Variants in TRAF2 observed in about 807,000 individuals in gnomAD.
TRAF2 encodes TNF receptor associated factor 2, also known as TNF receptor-associated factor 2.
A neutral mutation model predicts 55.6 loss-of-function variants in TRAF2; 6 were observed. The ratio of observed to expected loss-of-function variants is 0.11; its 90% CI spans 0.06 to 0.21. The LOEUF is 0.21. Among genes scored for constraint, TRAF2 ranks in the 10% least tolerant of loss-of-function variants. The probability of loss-of-function intolerance (pLI) is 1.00; values close to 1 mark genes in which losing one functional copy is unlikely to be tolerated. For missense variants in TRAF2, 561 were observed against 684.5 expected, an observed-to-expected ratio of 0.82 and a Z score of 2.01; for synonymous variants, 329 against 276.3, an observed-to-expected ratio of 1.19 and a Z score of -1.89.
chr9:136,898,680 T>G, intron 1 of TRAF2, 33 bp from the exon 2 acceptor site: 1 of 1,607,220 alleles, frequency 6.2e-7, no homozygotes, highest in Non-Finnish European at 8.5e-7. Context: ...TGTTCTGGAA[T>G]TGAGGTGTAA....
At chr9:136,919,042 A>ATATTTATTTATTTATTTATT (rs57654341) in intron 7 of TRAF2, among the ~76,000 whole-genome samples, 13,825 of 138,224 alleles carry the variant, frequency 0.1, 853 homozygotes, top group African/African-American at 0.12. Context: ...GCCTATTTTA[A>ATATTTATTTATTTATTTATT]TATTTATTTA....
At chr9:136,900,387 A>G in intron 3 of TRAF2, 35 bp from the exon 4 acceptor site, 1 of 1,483,924 alleles carries the variant, frequency 6.7e-7, no homozygotes. Context: ...GGAGTCTGGG[A>G]GGAGGTTTAA....
In TRAF2 at chr9:136,898,772, C is replaced by A. The variant is rs767818414; in HGVS notation, c.32C>A (p.Ser11Tyr). MAAASVTPPG[S>Y]LELLQPGFSK... ...GCAGCTAGCGTGACCCCCCCTGGCT[C>A]CCTGGAGTTGCTACAGCCCGGCTTC... The change falls in exon 2 of 11, where the codon TCC (serine) becomes TAC (tyrosine). Residue 11 changes from serine to tyrosine, a missense_variant. Coordinates refer to ENST00000247668, the MANE Select transcript of TRAF2 (RefSeq NM_021138.4). 13 of 1,613,626 alleles carry A rather than the reference C, an allele frequency of 8.1e-6. No homozygotes were observed. Among genetic ancestry groups the A allele is most frequent in the Middle Eastern group, 1.6e-4 (1 of 6,084 alleles).
At chr9:136,899,070 G>T in intron 2 of TRAF2, 142 bp downstream of exon 2, 1 of 816,690 alleles carries the variant, frequency 1.2e-6, no homozygotes, top group South Asian at 1.9e-5. Context: ...GATTTCGGAG[G>T]TTTACCACAA....
At chr9:136,920,948 C>T in intron 8 of TRAF2, 90 bp from the exon 9 acceptor site, 3 of 1,510,884 alleles carry the variant, frequency 2.0e-6, no homozygotes, top group Non-Finnish European at 2.7e-6. Flanking sequence ...CCCAAGAGCA[C>T]TGTCCTGCTG....
intron 1 of TRAF2, among the ~76,000 whole-genome samples, chr9:136,892,201 C>A (rs200912694): frequency 6.6e-6 from 1 of 151,940 alleles, no homozygotes; most frequent in African/African-American, 2.4e-5. Context: ...CGGTGGCTCA[C>A]GCCTGTAATC....
At chr9:136,906,574 G>A (rs1173472794) in intron 4 of TRAF2, among the ~76,000 whole-genome samples, 1 of 152,160 alleles carries the variant, frequency 6.6e-6, no homozygotes, top group Non-Finnish European at 1.5e-5. Flanking sequence ...TATGGGAGTT[G>A]CAATTCAAGA....
At chr9:136,913,579 G>A (rs1401320940) in intron 6 of TRAF2, among the ~76,000 whole-genome samples, 1 of 152,040 alleles carries the variant, frequency 6.6e-6, no homozygotes, top group African/African-American at 2.4e-5. Context: ...TTACAAGTGT[G>A]AGCCACCGTG....
In TRAF2 at chr9:136,913,724, C is replaced by A. The variant is rs184056061; in HGVS notation, c.604-2817C>A. 3.3e-5 allele frequency among the ~76,000 whole-genome samples: 5 copies of A among 152,126 alleles called. No individual in the cohort carries two copies. In the East Asian group the frequency reaches 9.7e-4, roughly 29 times the overall value. ...TTTTTTTTAAAGATTTGCTTTTGTT[C>A]TTTGACGATGTAAACTATTGGCCTG... On this transcript the variant is annotated intron_variant, in intron 6 of 10. Transcript: ENST00000247668.
At chr9:136,915,950 A>G (rs771623614) in intron 6 of TRAF2, among the ~76,000 whole-genome samples, 1 of 152,004 alleles carries the variant, frequency 6.6e-6, no homozygotes, top group Non-Finnish European at 1.5e-5. Context: ...GCCGCGACAC[A>G]CCTGCCATGT....
rs1166611941 is a variant in TRAF2 at position 136,886,536 on chromosome 9, C to A, written c.-34C>A. ...CCCTTAGTTCCGGGCGCGCTGCGAC[C>A]GTTGGGTGAGGCGAGCGCGGGGTCG... On this transcript the variant is annotated 5_prime_UTR_variant, in exon 1 of 11. Transcript: ENST00000247668. 1 of 985,906 alleles carries A rather than the reference C, an allele frequency of 1.0e-6. No homozygotes were observed. Among genetic ancestry groups the A allele is most frequent in the Non-Finnish European group, 1.2e-6 (1 of 830,846 alleles). The allele number at this position is 985,906 out of a possible 1,614,324, so 61.1% of individuals were successfully genotyped here.
At chr9:136,898,245 G>A (rs541879090) in intron 1 of TRAF2, among the ~76,000 whole-genome samples, 3 of 152,294 alleles carry the variant, frequency 2.0e-5, no homozygotes, top group South Asian at 2.1e-4. Flanking sequence ...GCAGGCAGGC[G>A]TCTCCTGCCC....
At chr9:136,901,155 C>T (rs995205319) in intron 4 of TRAF2, among the ~76,000 whole-genome samples, 7 of 152,198 alleles carry the variant, frequency 4.6e-5, no homozygotes, top group Non-Finnish European at 1.0e-4. Context: ...GTGTGATTCT[C>T]ACGTCACCTT....
At chr9:136,908,985 C>G (rs559413045) in intron 5 of TRAF2, among the ~76,000 whole-genome samples, 2 of 150,728 alleles carry the variant, frequency 1.3e-5, no homozygotes, top group East Asian at 1.9e-4. Flanking sequence ...TTGCAGCGAG[C>G]CAAGACTGCA....
chr9:136,884,088 G>T (rs1849404924), upstream of TRAF2, among the ~76,000 whole-genome samples: 1 of 151,926 alleles, frequency 6.6e-6, no homozygotes, highest in African/African-American at 2.4e-5. Flanking sequence ...CTCCCAAAGT[G>T]CTGGGGTGAG....
intron 7 of TRAF2, among the ~76,000 whole-genome samples, chr9:136,919,535 TCCTC>T (rs1314515168): frequency 2.0e-5 from 3 of 152,062 alleles, no homozygotes; most frequent in African/African-American, 7.2e-5. Context: ...CCTCAGGTGA[TCCTC>T]CCACCTTGGC....
chr9:136,900,670 CCTT>C lies in TRAF2; in HGVS notation c.366+151_366+153del, dbSNP rs747468036. 292 of 726,382 alleles carry C rather than the reference CCTT, an allele frequency of 4.0e-4. 1 individual carries two copies. Among genetic ancestry groups the C allele is most frequent in the East Asian group, 8.5e-4 (31 of 36,520 alleles). The allele number at this position is 726,382 out of a possible 1,614,324, so 45.0% of individuals were successfully genotyped here. A position where few individuals can be genotyped will look rare whatever the true frequency, so the allele number is the denominator to read the frequency against. On this transcript the variant is annotated intron_variant, in intron 4 of 10. Transcript: ENST00000247668. Reference sequence around the variant, plus strand: ...CTGTGGAGGAAGAGACGGAGCTGCTCCTTAGAGTATGTCCATTTAGAAACTCAA... The same window carrying C: ...CTGTGGAGGAAGAGACGGAGCTGCTCAGAGTATGTCCATTTAGAAACTCAA...
chr9:136,888,380 G>A (rs771235162), intron 1 of TRAF2, among the ~76,000 whole-genome samples: 2 of 152,046 alleles, frequency 1.3e-5, no homozygotes, highest in Non-Finnish European at 2.9e-5. Flanking sequence ...GCAGTGAGCC[G>A]AGATCGCGCC....
chr9:136,909,017 A>G (rs1217825763), intron 5 of TRAF2, among the ~76,000 whole-genome samples: 1 of 148,152 alleles, frequency 6.7e-6, no homozygotes, highest in Admixed American at 6.8e-5. Context: ...TAGCCTGGGC[A>G]ACAGAGGAAG....
Sources: gnomAD v4.1 joint callset for allele counts (sites outside exome capture counted in the v4.1 genomes callset) on GRCh38, gnomAD v4.1.1 for gene constraint, MANE v1.5 for transcripts, NCBI Gene and HGNC (gene_info 2026-07-23, HGNC 2026-07-21) for gene names.